Variants in RBFOX2 observed in about 807,000 individuals in gnomAD.
RBFOX2 encodes the protein RNA binding protein fox-1 homolog 2.
RBFOX2 carries 10 observed loss-of-function variants against 49.1 expected under a neutral mutation model. The observed-to-expected ratio is 0.20, with a 90% confidence interval of 0.13 to 0.35. The LOEUF is 0.35. Among genes scored for constraint, RBFOX2 ranks in the 10% least tolerant of loss-of-function variants. The pLI is 1.00. For missense variants in RBFOX2, 323 were observed against 486.9 expected, an observed-to-expected ratio of 0.66 and a Z score of 3.17; for synonymous variants, 183 against 187.4, an observed-to-expected ratio of 0.98 and a Z score of 0.19.
intron 1 of RBFOX2, among the ~76,000 whole-genome samples, chr22:35,813,601 C>T (rs1003794211): frequency 1.3e-5 from 2 of 152,138 alleles, no homozygotes; most frequent in Admixed American, 6.5e-5. Flanking sequence ...CTTGCATCCC[C>T]TATAAGACAT....
At chr22:35,814,043 G>GT (rs781490117) in intron 1 of RBFOX2, among the ~76,000 whole-genome samples, 2 of 152,200 alleles carry the variant, frequency 1.3e-5, no homozygotes, top group African/African-American at 2.4e-5. Context: ...AAAATCAAAT[G>GT]TAACTATTAA....
intron 1 of RBFOX2, among the ~76,000 whole-genome samples, chr22:35,983,123 T>C (rs938765917): frequency 2.0e-5 from 3 of 152,330 alleles, no homozygotes; most frequent in African/African-American, 7.2e-5. Context: ...TTCCTCATTA[T>C]GGTAGACTTC....
intron 1 of RBFOX2, among the ~76,000 whole-genome samples, chr22:35,921,197 G>C (rs1250847580): frequency 6.6e-6 from 1 of 152,180 alleles, no homozygotes. Context: ...AAGGCTTGCT[G>C]TTCTCATGTG....
chr22:35,842,151 C>G (rs2040586472), upstream of RBFOX2, among the ~76,000 whole-genome samples: 1 of 152,150 alleles, frequency 6.6e-6, no homozygotes, highest in African/African-American at 2.4e-5. Context: ...TTTAACAATT[C>G]TGAAAGGAAC....
chr22:35,977,274 T>C (rs970247736), intron 1 of RBFOX2, among the ~76,000 whole-genome samples: 2 of 152,102 alleles, frequency 1.3e-5, no homozygotes, highest in Non-Finnish European at 2.9e-5. Flanking sequence ...AGTTTGGCAG[T>C]TTCTCATACA....
At chr22:35,938,624 G>C (rs1385143053) in intron 1 of RBFOX2, among the ~76,000 whole-genome samples, 1 of 152,156 alleles carries the variant, frequency 6.6e-6, no homozygotes, top group African/African-American at 2.4e-5. Flanking sequence ...GACTGTGCTT[G>C]AGTGATTATT....
At chr22:35,771,438 T>C (rs182996057) in intron 4 of RBFOX2, among the ~76,000 whole-genome samples, 1 of 152,172 alleles carries the variant, frequency 6.6e-6, no homozygotes. Flanking sequence ...TAGAGCCTCC[T>C]GAAGAACCCA....
intron 1 of RBFOX2, among the ~76,000 whole-genome samples, chr22:35,957,401 T>C (rs930196784): frequency 2.6e-5 from 4 of 152,146 alleles, no homozygotes; most frequent in African/African-American, 4.8e-5. Context: ...AGGGGACCCA[T>C]AGGGATCATC....
intron 2 of RBFOX2, among the ~76,000 whole-genome samples, chr22:35,802,821 C>T (rs1275137755): frequency 6.6e-6 from 1 of 152,146 alleles, no homozygotes; most frequent in East Asian, 1.9e-4. Context: ...CCCTGGGTGG[C>T]TGTGAAACTA....
At chr22:36,027,736 A>C (rs1291266434) in intron 1 of RBFOX2, among the ~76,000 whole-genome samples, 1 of 152,120 alleles carries the variant, frequency 6.6e-6, no homozygotes, top group Non-Finnish European at 1.5e-5. Flanking sequence ...AATCTCAGCC[A>C]CATCCCCTCG....
chr22:35,949,549 T>C (rs1235189336), intron 1 of RBFOX2, among the ~76,000 whole-genome samples: 1 of 152,268 alleles, frequency 6.6e-6, no homozygotes, highest in African/African-American at 2.4e-5. Context: ...AATCTCTCCG[T>C]ATTCTTACTT....
intron 1 of RBFOX2, among the ~76,000 whole-genome samples, chr22:35,949,453 A>G (rs2054669266): frequency 6.6e-6 from 1 of 152,200 alleles, no homozygotes; most frequent in African/African-American, 2.4e-5. Context: ...GCACAGTGAC[A>G]ATATTTAACT....
At chr22:36,023,847 G>A (rs941469753) in intron 1 of RBFOX2, among the ~76,000 whole-genome samples, 4 of 152,040 alleles carry the variant, frequency 2.6e-5, no homozygotes, top group Non-Finnish European at 4.4e-5. Context: ...TGAAAGCACC[G>A]ACCCTTCCTC....
intron 1 of RBFOX2, among the ~76,000 whole-genome samples, chr22:35,985,165 T>G (rs571548840): frequency 1.3e-5 from 2 of 152,146 alleles, no homozygotes; most frequent in South Asian, 4.1e-4. Flanking sequence ...ACTCTCAGAA[T>G]TGACTCTTGC....
intron 1 of RBFOX2, among the ~76,000 whole-genome samples, chr22:35,910,718 A>T (rs1027813923): frequency 6.6e-6 from 1 of 152,182 alleles, no homozygotes; most frequent in East Asian, 1.9e-4. Flanking sequence ...AATGCATGCA[A>T]AGGAGGTTGA....
chr22:35,761,106 T>C, intron 8 of RBFOX2, 96 bp downstream of exon 9: 1 of 1,061,120 alleles, frequency 9.4e-7, no homozygotes, highest in South Asian at 1.4e-5. Flanking sequence ...GAAATTTCCA[T>C]TTCAGTTATG....
Position 35,949,202 on chromosome 22 carries a change from AAC to A in RBFOX2, c.43-10307_43-10306del, listed in dbSNP as rs1296378747. Among the ~76,000 whole-genome samples the A allele has an allele frequency of 2.0e-5, 3 of 152,200 alleles. No homozygotes were observed. The East Asian group carries it at 5.8e-4, about 29-fold the overall frequency. On this transcript the variant is annotated intron_variant, in intron 1 of 5. Coordinates refer to the RBFOX2 transcript ENST00000408983. The stretch of plus-strand genomic sequence containing the variant: ...ATAATATTGTGTTAAAATTATATAA[AAC>A]ACAATTTTATGTGCATATCACTGTA...
At chr22:35,869,015 A>G (rs894524344) in intron 1 of RBFOX2, among the ~76,000 whole-genome samples, 1 of 152,090 alleles carries the variant, frequency 6.6e-6, no homozygotes, top group Non-Finnish European at 1.5e-5. Flanking sequence ...CTAACCCTCA[A>G]CTGCTTTCAC....
intron 1 of RBFOX2, among the ~76,000 whole-genome samples, chr22:35,913,505 GTA>G (rs1158363821): frequency 6.8e-5 from 10 of 148,110 alleles, no homozygotes; most frequent in Admixed American, 6.0e-4. Flanking sequence ...GTGTGTGTGT[GTA>G]TACATATATA....
Sources: gnomAD v4.1 joint callset for allele counts (sites outside exome capture counted in the v4.1 genomes callset) on GRCh38, gnomAD v4.1.1 for gene constraint, MANE v1.5 for transcripts, NCBI Gene and HGNC (gene_info 2026-07-23, HGNC 2026-07-21) for gene names.